The following WNK1 variants were observed in gnomAD, a reference collection of about 807,000 sequenced individuals.
WNK1 encodes serine/threonine-protein kinase WNK1.
A neutral mutation model predicts 222.8 loss-of-function variants in WNK1; 38 were observed. The ratio of observed to expected loss-of-function variants is 0.17; its 90% CI spans 0.13 to 0.22. WNK1 has a LOEUF of 0.22. Ranked by LOEUF, WNK1 falls within the 10% of genes least tolerant of loss-of-function variation. The pLI, the probability that WNK1 is intolerant of heterozygous loss-of-function variation, is 1.00. For missense variants in WNK1, 2,348 were observed against 2,918.4 expected (o/e 0.80, Z 4.50); for synonymous variants, 1,090 against 1,092.9 (o/e 1.00, Z 0.05).
chr12:896,017 A>G, intron 23 of WNK1, 54 bp from the exon 24 acceptor site: 1 of 1,608,100 alleles, frequency 6.2e-7, no homozygotes, highest in Non-Finnish European at 8.5e-7. Context: ...ATTGTCTGTG[A>G]TAGAAATTGG....
chr12:883,134 C>T (rs1953327099), intron 15 of WNK1, 75 bp downstream of exon 15: 3 of 1,121,810 alleles, frequency 2.7e-6, no homozygotes, highest in African/African-American at 1.5e-5. Flanking sequence ...GCAAATATGC[C>T]ATATTTTATA....
At position 896,192 on chromosome 12, in the gene WNK1, G is replaced by C; in HGVS notation, c.5705G>C (p.Ser1902Thr). 1 of 1,614,204 alleles carries C rather than the reference G, an allele frequency of 6.2e-7. No homozygotes were observed. Among genetic ancestry groups the C allele is most frequent in the Non-Finnish European group, 8.5e-7 (1 of 1,180,044 alleles). ...SSVLSSSSPESTLVKPEPNGI... is the reference protein window; with the variant it reads ...SSVLSSSSPETTLVKPEPNGI... ...GTGCTATCAAGTAGTAGTCCAGAGA[G>C]TACCTTGGTGAAACCAGAGCCGAAT... Residue 1902 changes from serine to threonine, a missense_variant, in exon 24 of 28, where the codon AGT becomes ACT. Coordinates refer to ENST00000315939, the MANE Select transcript of WNK1 (RefSeq NM_018979.4).
intron 5 of WNK1, among the ~76,000 whole-genome samples, chr12:858,340 T>C (rs1345084749): frequency 1.3e-5 from 2 of 151,954 alleles, no homozygotes; most frequent in African/African-American, 4.8e-5. Context: ...CAGACGCACA[T>C]CACCGCACCT....
intron 1 of WNK1, among the ~76,000 whole-genome samples, chr12:794,959 T>G (rs1945168786): frequency 6.6e-6 from 1 of 151,834 alleles, no homozygotes; most frequent in South Asian, 2.1e-4. Flanking sequence ...CTTGCTGTGT[T>G]GCCCAAGCTG....
At chr12:774,712 A>C (rs550159292) in intron 1 of WNK1, among the ~76,000 whole-genome samples, 1 of 152,280 alleles carries the variant, frequency 6.6e-6, no homozygotes, top group South Asian at 2.1e-4. Flanking sequence ...CCCAAGTGAG[A>C]GTTCTTATTT....
At chr12:823,530 G>A (rs916806974) in intron 2 of WNK1, among the ~76,000 whole-genome samples, 6 of 151,988 alleles carry the variant, frequency 3.9e-5, no homozygotes, top group Non-Finnish European at 1.5e-5. Context: ...CTGTGTGTTC[G>A]CATATGCTGT....
At chr12:893,052 C>T (rs922157409) in intron 22 of WNK1, among the ~76,000 whole-genome samples, 1 of 152,062 alleles carries the variant, frequency 6.6e-6, no homozygotes, top group Non-Finnish European at 1.5e-5. Flanking sequence ...CCCAGGATTT[C>T]GAGACCAGCC....
At chr12:803,507 G>A (rs2153995508) in intron 1 of WNK1, among the ~76,000 whole-genome samples, 1 of 152,320 alleles carries the variant, frequency 6.6e-6, no homozygotes, top group Non-Finnish European at 1.5e-5. Flanking sequence ...TGGCGGCTGG[G>A]CACAGTGGCT....
chr12:889,092 C>A lies in WNK1; in HGVS notation c.5365-48C>A, dbSNP rs996221684. 2.6e-6 allele frequency: 4 copies of A among 1,512,834 alleles called. No homozygotes were observed. In the African/African-American group the frequency reaches 5.5e-5, roughly 21 times the overall value. The allele number at this position is 1,512,834 out of a possible 1,614,324, so 93.7% of individuals were successfully genotyped here. On this transcript the variant is annotated intron_variant, in intron 20 of 27. Coordinates refer to ENST00000315939, the MANE Select transcript of WNK1 (RefSeq NM_018979.4). ...TATCTAAATTGGCTATATATCGTGA[C>A]TCTGAAGGTGCCACGGAACTGTATT...
At chr12:895,666 C>T (rs1954677266) in intron 23 of WNK1, among the ~76,000 whole-genome samples, 2 of 152,076 alleles carry the variant, frequency 1.3e-5, no homozygotes, top group Non-Finnish European at 2.9e-5. Flanking sequence ...ACCACGTTGG[C>T]CAGGCTGATC....
chr12:869,735 T>C (rs956923479), intron 8 of WNK1, among the ~76,000 whole-genome samples: 1 of 152,014 alleles, frequency 6.6e-6, no homozygotes, highest in Non-Finnish European at 1.5e-5. Context: ...CATTATTATA[T>C]GTCCAAATAA....
Position 823,825 on chromosome 12 carries a change from G to A in WNK1, c.933-3217G>A, listed in dbSNP as rs1565481035. 3.3e-5 allele frequency among the ~76,000 whole-genome samples: 5 copies of A among 151,908 alleles called. No homozygotes were observed. In the South Asian group the frequency reaches 8.3e-4, roughly 25 times the overall value. ...GAGAGTGGAGCTTTTCAGCAACTGGGCTTTGTCTTCAATGTGGTTGGGCAA... is the reference window on the plus strand; with the variant it reads ...GAGAGTGGAGCTTTTCAGCAACTGGACTTTGTCTTCAATGTGGTTGGGCAA... On this transcript the variant is annotated intron_variant, in intron 2 of 27. Coordinates refer to ENST00000315939, the MANE Select transcript of WNK1 (RefSeq NM_018979.4).
chr12:787,176 C>T (rs1009980558), intron 1 of WNK1, among the ~76,000 whole-genome samples: 14 of 151,990 alleles, frequency 9.2e-5, no homozygotes, highest in African/African-American at 3.1e-4. Context: ...TATTTCTCTA[C>T]TTTTATAGGT....
At chr12:786,483 T>TTTTA (rs1944317617) in intron 1 of WNK1, among the ~76,000 whole-genome samples, 1 of 151,802 alleles carries the variant, frequency 6.6e-6, no homozygotes. Context: ...TTTTTTTTTT[T>TTTTA]TGAGACAGAA....
chr12:825,279 G>A (rs1948261277), intron 2 of WNK1, among the ~76,000 whole-genome samples: 1 of 151,974 alleles, frequency 6.6e-6, no homozygotes, highest in African/African-American at 2.4e-5. Flanking sequence ...TCTTCAATTA[G>A]CCCACCCAAA....
Position 878,193 on chromosome 12 carries a change from C to A in WNK1, c.2224-19C>A. 6.2e-7 allele frequency: 1 copy of A among 1,613,874 alleles called. No individual in the cohort carries two copies. The highest frequency in any genetic ancestry group is 1.3e-5 in the African/African-American group (1 of 75,004). ...TTATTGATTTGAAATAAAACTGAAT[C>A]ATTGTATTTTATTCTTAGCAGCAGG... On this transcript the variant is annotated intron_variant, in intron 9 of 27. Transcript: ENST00000315939.
rs72647388 is a variant in WNK1, at chr12:780,428, C to A, written c.759+26104C>A. 7.7e-4 allele frequency among the ~76,000 whole-genome samples: 117 copies of A among 152,268 alleles called. 1 individual carries two copies. The highest frequency in any genetic ancestry group is 2.6e-3 in the African/African-American group (109 of 41,542). ...ACAAAAATTTCAGTCATAGTTATGGCCACAGTTAGGCATTCCCAAAGGAAG... is the reference window on the plus strand; with the variant it reads ...ACAAAAATTTCAGTCATAGTTATGGACACAGTTAGGCATTCCCAAAGGAAG... On this transcript the variant is annotated intron_variant, in intron 1 of 27. Coordinates refer to ENST00000315939, the MANE Select transcript of WNK1 (RefSeq NM_018979.4).
At position 895,232 on chromosome 12, in the gene WNK1, G is replaced by A. The variant is rs1592222435; in HGVS notation, c.5583+597G>A. 2.0e-5 allele frequency among the ~76,000 whole-genome samples: 3 copies of A among 152,230 alleles called. No individual in the cohort carries two copies. In the South Asian group the frequency reaches 6.2e-4, roughly 32 times the overall value. On this transcript the variant is annotated intron_variant, in intron 23 of 27. Transcript: ENST00000315939. ...TTTTTCTCATTTGTAAACAGGTCCT[G>A]AACCTTTATAGGTGGGCTGAGTTTG...
At chr12:784,734 T>C (rs2153972383) in intron 1 of WNK1, among the ~76,000 whole-genome samples, 1 of 152,336 alleles carries the variant, frequency 6.6e-6, no homozygotes, top group East Asian at 1.9e-4. Flanking sequence ...CTTAAACTTC[T>C]AAACTTCACC....
Sources: allele counts gnomAD v4.1 joint callset (sites outside exome capture counted in the v4.1 genomes callset), GRCh38; gene constraint gnomAD v4.1.1; transcripts MANE v1.5; gene names NCBI Gene and HGNC (gene_info 2026-07-23, HGNC 2026-07-21).